Variants in SETMAR observed in about 807,000 individuals in gnomAD.
SETMAR encodes histone-lysine N-methyltransferase SETMAR.
A neutral mutation model predicts 58.4 loss-of-function variants in SETMAR; 44 were observed. The ratio of observed to expected loss-of-function variants is 0.75; its 90% CI spans 0.59 to 0.97. The LOEUF (loss-of-function observed/expected upper bound fraction) is 0.97, where lower values mean the gene tolerates loss of function less well. SETMAR is among the 50% of genes least tolerant of loss of function. The pLI, the probability that SETMAR is intolerant of heterozygous loss-of-function variation, is 0.00. For synonymous variants in SETMAR, 332 were observed against 307.4 expected (o/e 1.08, Z -0.84); for missense variants, 903 against 840.2 (o/e 1.07, Z -0.92).
Position 4,315,023 on chromosome 3 carries a change from G to A in SETMAR, c.1021-1189G>A, listed in dbSNP as rs190453262. ...AATTATATCTCAATAAAGCTAGGTC[G>A]TTTTTAAGTATCTTAGGGTTTATAA... On this transcript the variant is annotated intron_variant, in intron 2 of 2. Coordinates refer to ENST00000358065, the MANE Select transcript of SETMAR (RefSeq NM_006515.4). Among the ~76,000 whole-genome samples the A allele has an allele frequency of 5.3e-4, 80 of 152,174 alleles. 1 individual carries two copies. The highest frequency in any genetic ancestry group is 1.8e-3 in the African/African-American group (76 of 41,528).
Position 4,316,856 on chromosome 3 carries a change from A to G in SETMAR, c.1665A>G (p.Thr555=). 6.5e-7 allele frequency: 1 copy of G among 1,549,850 alleles called. No homozygotes were observed. The highest frequency in any genetic ancestry group is 1.2e-5 in the South Asian group (1 of 83,984). ...TTCTGAATCCCGGTGAAACCATTAC[A>G]TCTGAGAAGTATGCTCAGGAAATCG... ...YSFLNPGETI[T]SEKYAQEIDE... is the part of the protein sequence containing the mutation. Residue 555 remains threonine, a synonymous_variant, in exon 3 of 3, where the codon ACA becomes ACG. Transcript: ENST00000358065.
rs760859668 is a variant in SETMAR, at chr3:4,303,477, A to T, written c.107A>T (p.Asn36Ile). The T allele has an allele frequency of 8.6e-6, 13 of 1,514,338 alleles. No homozygotes were observed. The highest frequency in any genetic ancestry group is 1.1e-5 in the Non-Finnish European group (13 of 1,136,772). The allele number at this position is 1,514,338 out of a possible 1,614,324, so 93.8% of individuals were successfully genotyped here. ...EQLDVACGQE[N>I]LPVGAWPPGA... is the part of the protein sequence containing the mutation. Reference sequence around the variant, plus strand: ...CTGGATGTCGCGTGCGGCCAGGAAAACTTGCCGGTGGGCGCGTGGCCCCCG... The same window carrying T: ...CTGGATGTCGCGTGCGGCCAGGAAATCTTGCCGGTGGGCGCGTGGCCCCCG... The change falls in exon 1 of 3, where the codon AAC (asparagine) becomes ATC (isoleucine). Residue 36 changes from asparagine (N) to isoleucine (I), a missense_variant. Physicochemically the swap from Asn to Ile is moderately radical, Grantham distance 149. Coordinates refer to ENST00000358065, the MANE Select transcript of SETMAR (RefSeq NM_006515.4).
At chr3:4,312,236 C>G (rs567497268) in intron 1 of SETMAR, among the ~76,000 whole-genome samples, 2 of 152,090 alleles carry the variant, frequency 1.3e-5, no homozygotes, top group East Asian at 3.9e-4. Context: ...AATTAAAATA[C>G]ATATATGCAT....
chr3:4,316,518 G>T lies in SETMAR; in HGVS notation c.1327G>T (p.Val443Phe). ...AEELNVNHST[V>F]VRHLKQIGKV... ...AGAACTCAATGTCAACCATTCTACGGTCGTTCGACATTTGAAGCAAATTGG... is the reference window on the plus strand; with the variant it reads ...AGAACTCAATGTCAACCATTCTACGTTCGTTCGACATTTGAAGCAAATTGG... Residue 443 changes from valine (V) to phenylalanine (F), a missense_variant, in exon 3 of 3, where the codon GTC becomes TTC. Val to Phe is a conservative substitution (Grantham distance 50). Transcript: ENST00000358065. The T allele has an allele frequency of 1.9e-6, 3 of 1,587,954 alleles. No individual in the cohort carries two copies. Among genetic ancestry groups the T allele is most frequent in the Non-Finnish European group, 2.6e-6 (3 of 1,165,988 alleles).
Position 4,316,448 on chromosome 3 carries a change from A to G in SETMAR, c.1257A>G (p.Ala419=). The change falls in exon 3 of 3, where the codon GCA becomes GCG. Residue 419 remains alanine (A), a synonymous_variant. Transcript: ENST00000358065. Reference sequence around the variant, plus strand: ...AAGTTGACAACGACCAGTTGAGAGCAATCATCGAAGCTGATCCCCTTACAA... The same window carrying G: ...AAGTTGACAACGACCAGTTGAGAGCGATCATCGAAGCTGATCCCCTTACAA... The part of the protein sequence containing the change: ...PSEVDNDQLR[A]IIEADPLTTT... 6.2e-7 allele frequency: 1 copy of G among 1,602,068 alleles called. No homozygotes were observed. The highest frequency in any genetic ancestry group is 8.5e-7 in the Non-Finnish European group (1 of 1,174,410).
chr3:4,316,560 GATA>G lies in SETMAR; in HGVS notation c.1371_1373del (p.Asp457_Lys458delinsGlu). On this transcript the variant is annotated inframe_deletion, in exon 3 of 3. Transcript: ENST00000358065. ...GCAAATTGGAAAGGTGAAAAAGCTCGATAAGTGGGTGCCTCATGAGCTGACTGA... is the reference window on the plus strand; with the variant it reads ...GCAAATTGGAAAGGTGAAAAAGCTCGAGTGGGTGCCTCATGAGCTGACTGA... 6.4e-7 allele frequency: 1 copy of G among 1,555,178 alleles called. No individual in the cohort carries two copies. Among genetic ancestry groups the G allele is most frequent in the South Asian group, 1.2e-5 (1 of 84,306 alleles).
At position 4,313,772 on chromosome 3, in the gene SETMAR, T is replaced by A; in HGVS notation, c.1020+11T>A. The A allele has an allele frequency of 6.2e-7, 1 of 1,613,976 alleles. No individual in the cohort carries two copies. Among genetic ancestry groups the A allele is most frequent in the Non-Finnish European group, 8.5e-7 (1 of 1,179,928 alleles). ...CGATTGACCCTTGAGGTGAGTCTGTTCAGTGATAAGCAGCTTGCCCCTCCC... is the reference window on the plus strand; with the variant it reads ...CGATTGACCCTTGAGGTGAGTCTGTACAGTGATAAGCAGCTTGCCCCTCCC... On this transcript the variant is annotated intron_variant, in intron 2 of 2. Coordinates refer to ENST00000358065, the MANE Select transcript of SETMAR (RefSeq NM_006515.4).
intron 1 of SETMAR, among the ~76,000 whole-genome samples, chr3:4,309,305 A>T (rs1698314089): frequency 6.6e-6 from 1 of 152,196 alleles, no homozygotes; most frequent in South Asian, 2.1e-4. Flanking sequence ...CCCCCTTCCC[A>T]TCATGACCTG....
Position 4,303,401 on chromosome 3 carries a change from C to G in SETMAR, c.31C>G (p.Pro11Ala). Residue 11 changes from proline (P) to alanine (A), a missense_variant, in exon 1 of 3, where the codon CCT (proline) becomes GCT (alanine). Transcript: ENST00000358065. Reference protein sequence around the residue: MFAEAAKTTRPCGMAEFKEKP... With the variant: MFAEAAKTTRACGMAEFKEKP... The stretch of plus-strand genomic sequence containing the variant: ...CGCGGAAGCGGCAAAGACGACACGG[C>G]CTTGTGGGATGGCGGAGTTTAAGGA... 1 of 1,558,886 alleles carries G rather than the reference C, an allele frequency of 6.4e-7. No individual in the cohort carries two copies. The highest frequency in any genetic ancestry group is 8.6e-7 in the Non-Finnish European group (1 of 1,156,624).
Position 4,313,649 on chromosome 3 carries a change from C to G in SETMAR, c.908C>G (p.Ser303Cys). 1 of 1,614,040 alleles carries G rather than the reference C, an allele frequency of 6.2e-7. No homozygotes were observed. The highest frequency in any genetic ancestry group is 8.5e-7 in the Non-Finnish European group (1 of 1,179,964). The change falls in exon 2 of 3, where the codon TCT becomes TGT. Residue 303 changes from serine to cysteine, a missense_variant. Ser to Cys is a moderately radical substitution (Grantham distance 112). Transcript: ENST00000358065. ...ACTGCTTTCCTGCCTTTTGACAGTTCTCTGTACTGCCCCGTAGAAAAGTCG... is the reference window on the plus strand; with the variant it reads ...ACTGCTTTCCTGCCTTTTGACAGTTGTCTGTACTGCCCCGTAGAAAAGTCG... Reference protein sequence around the residue: ...SCTAFLPFDSSLYCPVEKSNI... With the variant: ...SCTAFLPFDSCLYCPVEKSNI...
chr3:4,315,113 G>A (rs1004018312), intron 2 of SETMAR, among the ~76,000 whole-genome samples: 3 of 152,152 alleles, frequency 2.0e-5, no homozygotes, highest in East Asian at 1.9e-4. Flanking sequence ...CACATAAAAT[G>A]CCCCAAATTA....
In SETMAR at chr3:4,313,241, A is replaced by T. The variant is rs752459615; in HGVS notation, c.500A>T (p.Glu167Val). The change falls in exon 2 of 3, where the codon GAA becomes GTA. Residue 167 changes from glutamate to valine, a missense_variant. By Grantham distance (121) the Glu-to-Val change is moderately radical. Transcript: ENST00000358065. ...ATACCGAAAGGAAGGTTTGTCTGTGAATATGCTGGTGAGGTTTTAGGATTC... is the reference window on the plus strand; with the variant it reads ...ATACCGAAAGGAAGGTTTGTCTGTGTATATGCTGGTGAGGTTTTAGGATTC... The part of the protein sequence containing the change: ...EFIPKGRFVC[E>V]YAGEVLGFSE... The T allele has an allele frequency of 6.2e-7, 1 of 1,613,984 alleles. No homozygotes were observed. The highest frequency in any genetic ancestry group is 1.1e-5 in the South Asian group (1 of 91,074).
chr3:4,303,616 C>T, intron 1 of SETMAR, 90 bp downstream of exon 1: 3 of 1,380,906 alleles, frequency 2.2e-6, no homozygotes, highest in African/African-American at 1.5e-5. Context: ...GCCTCCCAGT[C>T]GCGACCTTTT....
rs149881704 is a variant in SETMAR at position 4,310,271 on chromosome 3, T to C, written c.157-2627T>C. On this transcript the variant is annotated intron_variant, in intron 1 of 2. Coordinates refer to ENST00000358065, the MANE Select transcript of SETMAR (RefSeq NM_006515.4). ...AATGACCTCACATTATTTCTGAAAA[T>C]AATAAATAGCTTTTCAATATGTAAA... Among the ~76,000 whole-genome samples, 11 of 152,356 alleles carry C rather than the reference T, an allele frequency of 7.2e-5. No homozygotes were observed. In the East Asian group the frequency reaches 2.1e-3, roughly 29 times the overall value.
rs375310794 is a variant in SETMAR, at chr3:4,313,521, T to C, written c.780T>C (p.Tyr260=). ...KDIVPEEELS[Y]DYSGRYLNLT... ...TTGTGCCAGAAGAAGAACTCTCTTA[T>C]GATTATTCAGGAAGATATCTTAATC... The change falls in exon 2 of 3, where the codon TAT becomes TAC. Residue 260 remains tyrosine, a synonymous_variant. Coordinates refer to ENST00000358065, the MANE Select transcript of SETMAR (RefSeq NM_006515.4). 13 of 1,613,930 alleles carry C rather than the reference T, an allele frequency of 8.1e-6. No homozygotes were observed. Among genetic ancestry groups the C allele is most frequent in the South Asian group, 1.1e-5 (1 of 91,076 alleles).
At chr3:4,310,321 T>G (rs1266951553) in intron 1 of SETMAR, among the ~76,000 whole-genome samples, 1 of 152,248 alleles carries the variant, frequency 6.6e-6, no homozygotes, top group Non-Finnish European at 1.5e-5. Context: ...GGTAATTACA[T>G]AATCAGATGT....
chr3:4,315,812 T>C (rs183404152), intron 2 of SETMAR, among the ~76,000 whole-genome samples: 178 of 152,154 alleles, frequency 1.2e-3, no homozygotes, highest in South Asian at 2.3e-3. Context: ...TTTGGGAGGC[T>C]GAGGCAGGCA....
At chr3:4,308,985 G>A (rs545870494) in intron 1 of SETMAR, among the ~76,000 whole-genome samples, 1 of 152,342 alleles carries the variant, frequency 6.6e-6, no homozygotes, top group South Asian at 2.1e-4. Context: ...AGGGAGACAT[G>A]AGACAACAGT....
chr3:4,311,649 T>C (rs1246518570), intron 1 of SETMAR, among the ~76,000 whole-genome samples: 1 of 152,248 alleles, frequency 6.6e-6, no homozygotes, highest in Non-Finnish European at 1.5e-5. Context: ...CTTCTCTGAA[T>C]TGGCAGCTCT....
Sources: allele counts gnomAD v4.1 joint callset (sites outside exome capture counted in the v4.1 genomes callset), GRCh38; gene constraint gnomAD v4.1.1; transcripts MANE v1.5; gene names NCBI Gene and HGNC (gene_info 2026-07-23, HGNC 2026-07-21).